TMEFF2: variants seen among roughly 807,000 people sequenced by gnomAD.
The protein encoded by TMEFF2 is transmembrane protein with EGF like and two follistatin like domains 2.
A neutral mutation model predicts 53.8 loss-of-function variants in TMEFF2; 28 were observed. The ratio of observed to expected loss-of-function variants is 0.52; its 90% confidence interval spans 0.39 to 0.71. The LOEUF (loss-of-function observed/expected upper bound fraction) is 0.71. Ranked by LOEUF, TMEFF2 falls within the 30% of genes least tolerant of loss-of-function variation. The pLI is 0.00. For missense variants in TMEFF2, 353 were observed against 455.2 expected, an observed-to-expected ratio of 0.78 and a Z score of 2.04; for synonymous variants, 162 against 166.3, an observed-to-expected ratio of 0.97 and a Z score of 0.20.
intron 4 of TMEFF2, among the ~76,000 whole-genome samples, chr2:192,095,374 C>T (rs1688879600): frequency 6.6e-6 from 1 of 151,944 alleles, no homozygotes; most frequent in Non-Finnish European, 1.5e-5. Flanking sequence ...GTCTGTAATC[C>T]CAGCACTTTG....
At chr2:192,079,977 C>T (rs1051817176) in intron 4 of TMEFF2, among the ~76,000 whole-genome samples, 13 of 152,058 alleles carry the variant, frequency 8.5e-5, no homozygotes, top group East Asian at 7.7e-4. Flanking sequence ...CAAAAGTATG[C>T]GGTGATAGAA....
chr2:191,973,687 G>A (rs1455461148), intron 7 of TMEFF2, among the ~76,000 whole-genome samples: 1 of 152,044 alleles, frequency 6.6e-6, no homozygotes, highest in Admixed American at 6.6e-5. Flanking sequence ...ACATGGTTTG[G>A]CAGTGTCCCC....
At chr2:192,135,548 C>T (rs534614074) in intron 4 of TMEFF2, among the ~76,000 whole-genome samples, 42 of 152,132 alleles carry the variant, frequency 2.8e-4, no homozygotes, top group Non-Finnish European at 3.8e-4. Flanking sequence ...TCCCATGCTG[C>T]CCCTAATCCC....
At chr2:191,974,314 TTTCAG>T (rs1692739217) in intron 7 of TMEFF2, among the ~76,000 whole-genome samples, 1 of 152,182 alleles carries the variant, frequency 6.6e-6, no homozygotes, top group Non-Finnish European at 1.5e-5. Context: ...TGCCTTCTTC[TTTCAG>T]TTGAGTCTGT....
At chr2:191,984,231 G>C (rs1006536152) in intron 7 of TMEFF2, among the ~76,000 whole-genome samples, 1 of 151,996 alleles carries the variant, frequency 6.6e-6, no homozygotes, top group African/African-American at 2.4e-5. Flanking sequence ...ATTAGCTATT[G>C]GATTAGGTGA....
At chr2:192,002,037 AT>A (rs148230239) in intron 5 of TMEFF2, among the ~76,000 whole-genome samples, 2,069 of 141,528 alleles carry the variant, frequency 0.015, 22 homozygotes, top group South Asian at 0.026. Context: ...TTTATTTATT[AT>A]TTTTCAGTTT....
intron 4 of TMEFF2, among the ~76,000 whole-genome samples, chr2:192,142,951 C>T (rs535603288): frequency 2.6e-4 from 39 of 152,238 alleles, no homozygotes; most frequent in African/African-American, 9.1e-4. Context: ...CTTTTGTGTT[C>T]CACTAGCTGA....
intron 1 of TMEFF2, among the ~76,000 whole-genome samples, chr2:192,193,753 TAGATAGATAGAGAGAGAGAGAGAG>T (rs59812404): frequency 0.47 from 57,099 of 122,484 alleles, 12,589 homozygotes; most frequent in East Asian, 0.58. Context: ...GAGAGAGAGA[TAGATAGATAGAGAGAGAGAGAGAG>T]AGAGAGAGAG....
chr2:191,958,378 A>G (rs1692168614), intron 7 of TMEFF2, among the ~76,000 whole-genome samples: 1 of 152,184 alleles, frequency 6.6e-6, no homozygotes, highest in Non-Finnish European at 1.5e-5. Context: ...TCAGTTATAC[A>G]CTGTCTTTTC....
intron 5 of TMEFF2, among the ~76,000 whole-genome samples, chr2:192,028,351 G>C (rs1687025650): frequency 6.6e-6 from 1 of 152,174 alleles, no homozygotes; most frequent in African/African-American, 2.4e-5. Context: ...CTATGAGTAA[G>C]TAAGGAGGAA....
At chr2:192,137,803 A>AAT (rs1470635083) in intron 4 of TMEFF2, among the ~76,000 whole-genome samples, 53 of 148,080 alleles carry the variant, frequency 3.6e-4, no homozygotes, top group East Asian at 3.5e-3. Flanking sequence ...AATATATACA[A>AAT]ATATATATAT....
At chr2:192,010,831 G>A (rs745567999) in intron 5 of TMEFF2, among the ~76,000 whole-genome samples, 5 of 152,204 alleles carry the variant, frequency 3.3e-5, no homozygotes, top group Non-Finnish European at 1.5e-5. Flanking sequence ...AGGATGTGAT[G>A]CTTAAGCTGG....
chr2:192,106,499 C>G (rs1196209429), intron 4 of TMEFF2, among the ~76,000 whole-genome samples: 1 of 151,700 alleles, frequency 6.6e-6, no homozygotes, highest in Non-Finnish European at 1.5e-5. Flanking sequence ...TTCTAAAACA[C>G]TGACAACACT....
At chr2:192,147,657 C>A (rs1471776042) in intron 4 of TMEFF2, among the ~76,000 whole-genome samples, 1 of 151,936 alleles carries the variant, frequency 6.6e-6, no homozygotes, top group Non-Finnish European at 1.5e-5. Context: ...AAAATTAATA[C>A]CCAATTGTGC....
At chr2:191,965,880 C>T (rs1165768443) in intron 7 of TMEFF2, among the ~76,000 whole-genome samples, 5 of 152,080 alleles carry the variant, frequency 3.3e-5, no homozygotes, top group African/African-American at 1.2e-4. Context: ...CCTAAAACCA[C>T]TCTCCTATTC....
chr2:192,031,026 C>G (rs566814802), intron 5 of TMEFF2, among the ~76,000 whole-genome samples: 6 of 152,082 alleles, frequency 3.9e-5, no homozygotes, highest in Non-Finnish European at 8.8e-5. Context: ...TTGCTGTGAT[C>G]TGGGACAGAA....
chr2:192,094,384 G>C (rs1191568369), intron 4 of TMEFF2, among the ~76,000 whole-genome samples: 1 of 151,968 alleles, frequency 6.6e-6, no homozygotes, highest in Non-Finnish European at 1.5e-5. Context: ...AGGTTTCAAA[G>C]GCACTGACCC....
chr2:192,128,285 A>G (rs1423269766), intron 4 of TMEFF2, among the ~76,000 whole-genome samples: 1 of 152,212 alleles, frequency 6.6e-6, no homozygotes, highest in Non-Finnish European at 1.5e-5. Context: ...GTAAGAATTG[A>G]CAGGTGAGGT....
intron 5 of TMEFF2, among the ~76,000 whole-genome samples, chr2:192,022,319 G>C (rs934734130): frequency 6.6e-6 from 1 of 152,210 alleles, no homozygotes; most frequent in African/African-American, 2.4e-5. Flanking sequence ...CTAGGAGAGA[G>C]AGATATGTGG....
Sources: gnomAD v4.1 joint callset for allele counts (sites outside exome capture counted in the v4.1 genomes callset) on GRCh38, gnomAD v4.1.1 for gene constraint, MANE v1.5 for transcripts, NCBI Gene and HGNC (gene_info 2026-07-23, HGNC 2026-07-21) for gene names.